NSUN7: variants seen among roughly 807,000 people sequenced by gnomAD.
NSUN7 encodes the protein protein NSUN7.
A neutral mutation model predicts 58.5 loss-of-function variants in NSUN7; 39 were observed. The observed-to-expected ratio is 0.67, with a 90% CI of 0.52 to 0.87. NSUN7 has a LOEUF of 0.87. Among genes scored for constraint, NSUN7 ranks in the 40% least tolerant of loss-of-function variants. NSUN7 has a pLI of 0.00. For missense variants in NSUN7, 765 were observed against 844.1 expected (o/e 0.91, Z 1.16); for synonymous variants, 278 against 303.7 (o/e 0.92, Z 0.88).
At chr4:40,788,234 G>C (rs1304454661) in intron 7 of NSUN7, among the ~76,000 whole-genome samples, 1 of 152,180 alleles carries the variant, frequency 6.6e-6, no homozygotes, top group Non-Finnish European at 1.5e-5. Context: ...ATGTCAAGCA[G>C]GTATTTGGGT....
intron 2 of NSUN7, among the ~76,000 whole-genome samples, chr4:40,755,263 G>A (rs1741085096): frequency 6.6e-6 from 1 of 152,068 alleles, no homozygotes; most frequent in Non-Finnish European, 1.5e-5. Flanking sequence ...CTAATTTTTT[G>A]TATTTTTAGT....
At chr4:40,794,580 G>A in intron 9 of NSUN7, 104 bp downstream of exon 9, 2 of 623,684 alleles carry the variant, frequency 3.2e-6, no homozygotes, top group South Asian at 2.4e-5. Context: ...TGAGCCATGA[G>A]CACATTTTCC....
Position 40,750,765 on chromosome 4 carries a change from C to T in NSUN7, c.72C>T (p.Ser24=). ...CCGAGATCATCTCCCAACTCACTTCCCTGCCTCTGTCCGGTGGGAAAAGCT... is the reference window on the plus strand; with the variant it reads ...CCGAGATCATCTCCCAACTCACTTCTCTGCCTCTGTCCGGTGGGAAAAGCT... ...EDPEIISQLT[S]LPLSGGKSSA... Residue 24 remains serine (S), a synonymous_variant, in exon 2 of 12, where the codon TCC becomes TCT. Transcript: ENST00000381782. 6.2e-7 allele frequency: 1 copy of T among 1,614,190 alleles called. No individual in the cohort carries two copies. The highest frequency in any genetic ancestry group is 8.5e-7 in the Non-Finnish European group (1 of 1,180,042).
rs1204073390 is a variant in NSUN7, at chr4:40,775,973, T to C, written c.826-76T>C. ...AATATTACTATGAGGTACTTTCTTT[T>C]ATGTAAAGCAAATAGAAGTCAGCTT... On this transcript the variant is annotated intron_variant, in intron 6 of 11. Coordinates refer to ENST00000381782, the MANE Select transcript of NSUN7 (RefSeq NM_024677.6). This position sits in a 1 kb window ranked among gnomAD's most constrained non-coding sequence, Gnocchi z 4.3. The C allele has an allele frequency of 1.1e-6, 1 of 915,096 alleles. No homozygotes were observed. 56.7% of individuals were successfully genotyped at this position (915,096 alleles called of 1,614,324 possible). A position where few individuals can be genotyped will look rare whatever the true frequency, so the allele number is the denominator to read the frequency against.
rs1345562309 is a variant in NSUN7 at position 40,808,454 on chromosome 4, A to G, written c.1672A>G (p.Thr558Ala). ...AACATCATTGACAAAAGGTGCCACT[A>G]CTGATAATGGCATCCAAATGAAAAT... is the stretch of plus-strand genomic sequence containing the variant. ...SKTSLTKGAT[T>A]DNGIQMKIAE... The change falls in exon 12 of 12, where the codon ACT becomes GCT. Residue 558 changes from threonine (T) to alanine (A), a missense_variant. Thr to Ala is a moderately conservative substitution (Grantham distance 58, BLOSUM62 0). Coordinates refer to ENST00000381782, the MANE Select transcript of NSUN7 (RefSeq NM_024677.6). The G allele has an allele frequency of 6.3e-7, 1 of 1,598,082 alleles. No individual in the cohort carries two copies. Among genetic ancestry groups the G allele is most frequent in the Non-Finnish European group, 8.5e-7 (1 of 1,170,072 alleles).
intron 4 of NSUN7, among the ~76,000 whole-genome samples, chr4:40,765,915 A>T (rs1371693291): frequency 1.3e-5 from 2 of 152,090 alleles, no homozygotes; most frequent in African/African-American, 2.4e-5. Flanking sequence ...TGCTTGTGAT[A>T]TTTGTACATT....
intron 4 of NSUN7, among the ~76,000 whole-genome samples, chr4:40,765,401 C>T (rs1478286012): frequency 1.3e-5 from 2 of 148,330 alleles, no homozygotes; most frequent in African/African-American, 2.5e-5. Context: ...AGATATGTGG[C>T]GTTATTTCTG....
intron 2 of NSUN7, 68 bp downstream of exon 2, chr4:40,751,059 G>A (rs1329541098): frequency 1.9e-6 from 3 of 1,539,760 alleles, no homozygotes; most frequent in Non-Finnish European, 1.8e-6. Flanking sequence ...GGGGAATGCA[G>A]CCCTCCTCCT....
At chr4:40,772,149 C>G (rs1742044276) in intron 4 of NSUN7, among the ~76,000 whole-genome samples, 2 of 152,032 alleles carry the variant, frequency 1.3e-5, no homozygotes, top group South Asian at 4.1e-4. Context: ...TGTTTACTAT[C>G]TGGAAAATTG....
intron 7 of NSUN7, among the ~76,000 whole-genome samples, chr4:40,783,990 A>G (rs1166431591): frequency 6.6e-6 from 1 of 152,350 alleles, no homozygotes; most frequent in Middle Eastern, 3.4e-3. Flanking sequence ...GAAGATCTGA[A>G]TATTTCTCCA....
chr4:40,760,588 C>T (rs925496957), intron 3 of NSUN7, 96 bp downstream of exon 3: 12 of 967,478 alleles, frequency 1.2e-5, no homozygotes, highest in Non-Finnish European at 1.7e-5. Flanking sequence ...TGAGGCCGGG[C>T]GCAGTGGCTC....
intron 10 of NSUN7, among the ~76,000 whole-genome samples, chr4:40,799,898 A>G (rs532178514): frequency 2.6e-5 from 4 of 152,302 alleles, no homozygotes; most frequent in Admixed American, 6.5e-5. Context: ...TAAAATTTGC[A>G]AATTTGTAAT....
chr4:40,786,251 A>G lies in NSUN7; in HGVS notation c.1037-4351A>G. 6 of 1,613,944 alleles carry G rather than the reference A, an allele frequency of 3.7e-6. No homozygotes were observed. The East Asian group carries it at 8.9e-5, about 24-fold the overall frequency. On this transcript the variant is annotated intron_variant, in intron 7 of 11. Coordinates refer to ENST00000381782, the MANE Select transcript of NSUN7 (RefSeq NM_024677.6). ...AGGCTGCAGTTCAATGAATTTGTAA[A>G]TACCGTACCTACCAAAGGATTTAAC... is the stretch of plus-strand genomic sequence containing the variant.
intron 9 of NSUN7, among the ~76,000 whole-genome samples, chr4:40,796,403 G>A (rs551250997): frequency 1.5e-4 from 23 of 152,162 alleles, no homozygotes; most frequent in Middle Eastern, 3.4e-3. Context: ...TGCTTGGGAG[G>A]TCAACATGGT....
chr4:40,771,648 C>A (rs10938385), intron 4 of NSUN7, among the ~76,000 whole-genome samples: 43,482 of 150,862 alleles, frequency 0.29, 6,649 homozygotes, highest in Non-Finnish European at 0.34. Context: ...CTAGAATATC[C>A]TCATAAGGAG....
In NSUN7 at chr4:40,774,371, G is replaced by T. The variant is rs1742163517; in HGVS notation, c.595G>T (p.Ala199Ser). ...AACAGTTAGGAAACAGGAACTAAGG[G>T]CCTCCACTTTACCACTTTATGCTTG... ...PETVRKQELR[A>S]STLPLYAWIN... Residue 199 changes from alanine to serine, a missense_variant, in exon 5 of 12, where the codon GCC (alanine) becomes TCC (serine). Physicochemically the swap from Ala to Ser is moderately conservative, Grantham distance 99. Coordinates refer to ENST00000381782, the MANE Select transcript of NSUN7 (RefSeq NM_024677.6). 2 of 1,613,826 alleles carry T rather than the reference G, an allele frequency of 1.2e-6. No homozygotes were observed. The highest frequency in any genetic ancestry group is 2.2e-5 in the South Asian group (2 of 91,088).
chr4:40,808,329 C>A lies in NSUN7; in HGVS notation c.1547C>A (p.Ser516Tyr). 1.2e-6 allele frequency: 2 copies of A among 1,613,542 alleles called. No individual in the cohort carries two copies. Among genetic ancestry groups the A allele is most frequent in the Non-Finnish European group, 1.7e-6 (2 of 1,179,660 alleles). The change falls in exon 12 of 12, where the codon TCT becomes TAT. Residue 516 changes from serine (S) to tyrosine (Y), a missense_variant. Physicochemically the swap from Ser to Tyr is moderately radical, Grantham distance 144. Transcript: ENST00000381782. ...CAGCGGGACCCTTCTGAGACAGTGTCTGTGAATGATGTTTTGGCCCGAGCT... is the reference window on the plus strand; with the variant it reads ...CAGCGGGACCCTTCTGAGACAGTGTATGTGAATGATGTTTTGGCCCGAGCT... ...TRERDPSETV[S>Y]VNDVLARAAA...
Position 40,774,335 on chromosome 4 carries a change from A to C in NSUN7, c.559A>C (p.Ile187Leu). 1 of 1,614,032 alleles carries C rather than the reference A, an allele frequency of 6.2e-7. No individual in the cohort carries two copies. The highest frequency in any genetic ancestry group is 8.5e-7 in the Non-Finnish European group (1 of 1,179,890). ...IKHDALSIYH[I>L]LPETVRKQEL... ...GCATGATGCCCTTTCAATTTACCAC[A>C]TCCTTCCAGAAACAGTTAGGAAACA... The change falls in exon 5 of 12, where the codon ATC becomes CTC. Residue 187 changes from isoleucine to leucine, a missense_variant. By Grantham distance (5) the Ile-to-Leu change is conservative. Coordinates refer to ENST00000381782, the MANE Select transcript of NSUN7 (RefSeq NM_024677.6).
Position 40,759,004 on chromosome 4 carries a change from C to G in NSUN7, c.299-1430C>G, listed in dbSNP as rs555708127. ...AGCTAGGCATGCCTACCTTTCTGTT[C>G]AACTGATTAAAGCATTTGTTATACG... On this transcript the variant is annotated intron_variant, in intron 2 of 11. Transcript: ENST00000381782. 6.6e-5 allele frequency among the ~76,000 whole-genome samples: 10 copies of G among 152,254 alleles called. No individual in the cohort carries two copies. The South Asian group carries it at 1.9e-3, about 28-fold the overall frequency.
Sources: gnomAD v4.1 joint callset for allele counts (sites outside exome capture counted in the v4.1 genomes callset) on GRCh38, gnomAD v4.1.1 for gene constraint, Gnocchi (gnomAD v3.1) non-coding constraint, MANE v1.5 for transcripts, NCBI Gene and HGNC (gene_info 2026-07-23, HGNC 2026-07-21) for gene names.